Variants in ARHGAP44 observed in about 807,000 individuals in gnomAD.
ARHGAP44 encodes Rho GTPase activating protein 44.
Under a neutral mutation model 106.8 loss-of-function variants are expected in ARHGAP44, and 43 were observed. The observed-to-expected ratio is 0.40, with a 90% CI of 0.32 to 0.52. The LOEUF is 0.52. ARHGAP44 is among the 20% of genes least tolerant of loss of function. The pLI, the probability that ARHGAP44 is intolerant of heterozygous loss-of-function variation, is 0.48. For synonymous variants in ARHGAP44, 439 were observed against 410.3 expected, an observed-to-expected ratio of 1.07 and a Z score of -0.85; for missense variants, 866 against 1,050.5, an observed-to-expected ratio of 0.82 and a Z score of 2.43.
At chr17:12,959,567 T>C (rs1451308712) in intron 16 of ARHGAP44, among the ~76,000 whole-genome samples, 1 of 152,210 alleles carries the variant, frequency 6.6e-6, no homozygotes, top group Non-Finnish European at 1.5e-5. Flanking sequence ...AAGATGGGCA[T>C]AAACAGGTTT....
chr17:12,813,236 C>T (rs1359320171), intron 1 of ARHGAP44, among the ~76,000 whole-genome samples: 2 of 151,888 alleles, frequency 1.3e-5, no homozygotes, highest in African/African-American at 2.4e-5. Flanking sequence ...ACAGTCTGAC[C>T]CTATCAGTCA....
At chr17:12,977,697 G>A (rs186231432) in intron 18 of ARHGAP44, among the ~76,000 whole-genome samples, 22 of 152,132 alleles carry the variant, frequency 1.4e-4, no homozygotes, top group Non-Finnish European at 2.6e-4. Flanking sequence ...ACCTATGCTG[G>A]AGAAAGAGGA....
chr17:12,839,310 C>A (rs1246383353), intron 1 of ARHGAP44, among the ~76,000 whole-genome samples: 3 of 152,148 alleles, frequency 2.0e-5, no homozygotes, highest in Admixed American at 2.0e-4. Flanking sequence ...CCCTTAGTGT[C>A]CCTCGCTCTT....
At chr17:12,840,249 C>T (rs2035351755) in intron 1 of ARHGAP44, among the ~76,000 whole-genome samples, 1 of 152,124 alleles carries the variant, frequency 6.6e-6, no homozygotes, top group African/African-American at 2.4e-5. Flanking sequence ...AATATCCCTC[C>T]ATTGTTTCAG....
At chr17:12,789,935 C>T in intron 1 of ARHGAP44, 44 bp downstream of exon 1, 1 of 1,488,494 alleles carries the variant, frequency 6.7e-7, no homozygotes, top group Non-Finnish European at 8.9e-7. Flanking sequence ...GCCCGCGAGG[C>T]TGCATCCGCA....
intron 1 of ARHGAP44, among the ~76,000 whole-genome samples, chr17:12,838,735 G>A (rs531389329): frequency 6.6e-6 from 1 of 152,030 alleles, no homozygotes; most frequent in African/African-American, 2.4e-5. Flanking sequence ...GCAGTGGAGC[G>A]ACCTTGGCTT....
chr17:12,886,987 T>TA (rs954634619), intron 1 of ARHGAP44, among the ~76,000 whole-genome samples: 1 of 149,456 alleles, frequency 6.7e-6, no homozygotes, highest in Non-Finnish European at 1.5e-5. Context: ...TTTTTTTTTT[T>TA]ACCATGAATG....
At chr17:12,973,672 C>G (rs976015658) in intron 17 of ARHGAP44, 2 of 479,688 alleles carry the variant, frequency 4.2e-6, no homozygotes, top group Non-Finnish European at 7.4e-6. Flanking sequence ...CCCCTCCCAC[C>G]TCGTCTTGCA....
At chr17:12,950,854 TCAA>T (rs1393211109) in intron 12 of ARHGAP44, among the ~76,000 whole-genome samples, 1 of 152,172 alleles carries the variant, frequency 6.6e-6, no homozygotes, top group Non-Finnish European at 1.5e-5. Flanking sequence ...GGTGTGTTTC[TCAA>T]CAACACCATG....
chr17:12,899,981 G>T (rs1480843457), intron 3 of ARHGAP44, among the ~76,000 whole-genome samples: 4 of 152,150 alleles, frequency 2.6e-5, no homozygotes, highest in African/African-American at 9.7e-5. Flanking sequence ...ATGTGGGTAG[G>T]CATAAAAATC....
intron 1 of ARHGAP44, among the ~76,000 whole-genome samples, chr17:12,842,423 AAAAAAAAAAAG>A (rs1266507110): frequency 1.4e-5 from 2 of 141,152 alleles, no homozygotes; most frequent in African/African-American, 3.1e-5. Context: ...TCAAAAAAAA[AAAAAAAAAAAG>A]AAAGAAAAAA....
chr17:12,896,664 G>A (rs2037215772), intron 3 of ARHGAP44, among the ~76,000 whole-genome samples, 153 bp downstream of exon 3: 1 of 152,192 alleles, frequency 6.6e-6, no homozygotes, highest in South Asian at 2.1e-4. Flanking sequence ...TCTGTTTTCT[G>A]TGGGGTAATG....
In ARHGAP44 at chr17:12,980,165, C is replaced by T. The variant is rs1452526924; in HGVS notation, c.1871C>T (p.Ala624Val). Residue 624 changes from alanine (A) to valine (V), a missense_variant, in exon 19 of 21, where the codon GCT becomes GTT. This residue lies in a region of ARHGAP44 where 418 missense variants were observed against 403.6 expected (regional missense o/e 1.04). Transcript: ENST00000379672. ...ACTCAACCAGGGGCTCAACCTGGAG[C>T]TCAGCCGGGCGCCAGCCCCAGCCCC... ...AGTQPGAQPG[A>V]QPGASPSPSQ... 1 of 1,613,496 alleles carries T rather than the reference C, an allele frequency of 6.2e-7. No homozygotes were observed.
In ARHGAP44 at chr17:12,949,038, T is replaced by A; in HGVS notation, c.862-102T>A. The A allele has an allele frequency of 1.8e-6, 2 of 1,131,096 alleles. No individual in the cohort carries two copies. The highest frequency in any genetic ancestry group is 5.2e-5 in the East Asian group (2 of 38,476). The allele number at this position is 1,131,096 out of a possible 1,614,324, so 70.1% of individuals were successfully genotyped here. On this transcript the variant is annotated intron_variant, in intron 10 of 20. Coordinates refer to ENST00000379672, the MANE Select transcript of ARHGAP44 (RefSeq NM_014859.6). The surrounding 1 kb of genome is among the most constrained non-coding windows in gnomAD (Gnocchi z 4.1). ...TGGGAGATGGTGTTGGGCAAATGCA[T>A]GTAAGAGGTTTTGGAGAAAAGAAGC...
At chr17:12,903,309 A>G (rs1355872418) in intron 3 of ARHGAP44, among the ~76,000 whole-genome samples, 1 of 152,144 alleles carries the variant, frequency 6.6e-6, no homozygotes, top group Non-Finnish European at 1.5e-5. Flanking sequence ...GATTGACTAT[A>G]TCGAAACTCT....
At chr17:12,876,271 G>A (rs1034664961) in intron 1 of ARHGAP44, among the ~76,000 whole-genome samples, 4 of 152,072 alleles carry the variant, frequency 2.6e-5, no homozygotes, top group African/African-American at 9.7e-5. Flanking sequence ...TGCTTACCTT[G>A]CTTTACTAAT....
At chr17:12,919,509 C>G (rs756468401) in intron 5 of ARHGAP44, among the ~76,000 whole-genome samples, 1 of 151,710 alleles carries the variant, frequency 6.6e-6, no homozygotes, top group Non-Finnish European at 1.5e-5. Flanking sequence ...CCTCAGACTC[C>G]CGAGTAACTG....
At chr17:12,965,191 G>C (rs752208822) in intron 16 of ARHGAP44, among the ~76,000 whole-genome samples, 1 of 152,112 alleles carries the variant, frequency 6.6e-6, no homozygotes, top group Non-Finnish European at 1.5e-5. Context: ...GATCTGCCAC[G>C]GAGATCCAGC....
chr17:12,931,590 G>A (rs1217594815), intron 7 of ARHGAP44, among the ~76,000 whole-genome samples: 4 of 151,588 alleles, frequency 2.6e-5, no homozygotes, highest in South Asian at 2.1e-4. Context: ...TCCGCCTCCC[G>A]GGTTCACACC....
Sources: allele counts gnomAD v4.1 joint callset (sites outside exome capture counted in the v4.1 genomes callset), GRCh38; gene constraint gnomAD v4.1.1; regional missense constraint gnomAD v4.1.1; non-coding constraint Gnocchi (gnomAD v3.1); transcripts MANE v1.5; gene names NCBI Gene and HGNC (gene_info 2026-07-23, HGNC 2026-07-21).